The following PHLPP1 variants were observed in gnomAD, a reference collection of about 807,000 sequenced individuals.
The protein encoded by PHLPP1 is PH domain leucine-rich repeat-containing protein phosphatase 1.
Under a neutral mutation model 117.2 loss-of-function variants are expected in PHLPP1, and 42 were observed. The ratio of observed to expected loss-of-function variants is 0.36; its 90% confidence interval spans 0.28 to 0.46. PHLPP1 has a LOEUF of 0.46. Among genes scored for constraint, PHLPP1 ranks in the 20% least tolerant of loss-of-function variants. The pLI, the probability that PHLPP1 is intolerant of heterozygous loss-of-function variation, is 1.00. For missense variants in PHLPP1, 2,084 were observed against 2,241.9 expected (o/e 0.93, Z 1.42); for synonymous variants, 1,042 against 970.7 (o/e 1.07, Z -1.37).
chr18:62,823,890 G>A (rs182867749), intron 1 of PHLPP1, among the ~76,000 whole-genome samples: 195 of 152,226 alleles, frequency 1.3e-3, no homozygotes, highest in African/African-American at 4.4e-3. Context: ...CCAGCACTTC[G>A]GGAGGCCGAG....
intron 3 of PHLPP1, among the ~76,000 whole-genome samples, chr18:62,843,922 A>G (rs1470871360): frequency 6.6e-6 from 1 of 152,246 alleles, no homozygotes; most frequent in African/African-American, 2.4e-5. Context: ...TTTAAAGTGC[A>G]TTCATTGTGG....
intron 4 of PHLPP1, among the ~76,000 whole-genome samples, chr18:62,880,159 C>G (rs1916142569): frequency 6.6e-6 from 1 of 151,924 alleles, no homozygotes; most frequent in African/African-American, 2.4e-5. Context: ...ATGGTTCAAC[C>G]CTAGCATCAG....
intron 1 of PHLPP1, among the ~76,000 whole-genome samples, chr18:62,748,409 T>G (rs553415249): frequency 2.0e-5 from 3 of 152,130 alleles, no homozygotes; most frequent in Admixed American, 1.3e-4. Flanking sequence ...CACACTCGGC[T>G]AATTTTTTTA....
At chr18:62,862,077 T>TC (rs1419639843) in intron 4 of PHLPP1, among the ~76,000 whole-genome samples, 1 of 152,022 alleles carries the variant, frequency 6.6e-6, no homozygotes, top group Non-Finnish European at 1.5e-5. Flanking sequence ...TCACCACTGA[T>TC]CTTTTTTTTT....
Position 62,860,429 on chromosome 18 carries a change from CT to C in PHLPP1, c.1900-3del, listed in dbSNP as rs1915603086. 6.2e-7 allele frequency: 1 copy of C among 1,613,290 alleles called. No individual in the cohort carries two copies. Among genetic ancestry groups the C allele is most frequent in the Non-Finnish European group, 8.5e-7 (1 of 1,179,412 alleles). On this transcript the variant is annotated splice_region_variant and splice_polypyrimidine_tract_variant and intron_variant, in intron 3 of 16. Transcript: ENST00000262719. ...GGTATTAAAATTAAGTTTTATCCCC[CT>C]TTAGGTTGCATCCCAGCGCATTAGC...
intron 4 of PHLPP1, among the ~76,000 whole-genome samples, chr18:62,862,217 T>A (rs1455090942): frequency 6.6e-6 from 1 of 152,030 alleles, no homozygotes; most frequent in Non-Finnish European, 1.5e-5. Context: ...GTAGCTGGGA[T>A]TACAGGCGCT....
chr18:62,946,923 C>A (rs943638313), intron 12 of PHLPP1, among the ~76,000 whole-genome samples: 1 of 152,018 alleles, frequency 6.6e-6, no homozygotes, highest in South Asian at 2.1e-4. Context: ...CATGGTGGCT[C>A]GTGCCTGTAG....
At chr18:62,966,333 G>T (rs1355409954) in intron 14 of PHLPP1, among the ~76,000 whole-genome samples, 1 of 151,572 alleles carries the variant, frequency 6.6e-6, no homozygotes, top group Admixed American at 6.6e-5. Flanking sequence ...ATATTTTTAA[G>T]TTTATATATC....
intron 3 of PHLPP1, among the ~76,000 whole-genome samples, chr18:62,858,283 G>T (rs1380231811): frequency 6.0e-5 from 8 of 133,052 alleles, no homozygotes; most frequent in Admixed American, 8.0e-5. Context: ...TTTTTTTTGA[G>T]ACACAGCCTC....
intron 3 of PHLPP1, among the ~76,000 whole-genome samples, chr18:62,851,737 G>A (rs1219180116): frequency 6.6e-6 from 1 of 152,138 alleles, no homozygotes; most frequent in Non-Finnish European, 1.5e-5. Flanking sequence ...AGGATTACAG[G>A]CGTGAGCCAC....
intron 1 of PHLPP1, chr18:62,825,288 C>T (rs111730099): frequency 9.7e-4 from 147 of 151,246 alleles, no homozygotes; most frequent in African/African-American, 3.3e-3. Context: ...TAATGTTTTA[C>T]TTTTTGGTTA....
At chr18:62,874,647 A>ACG (rs1313739517) in intron 4 of PHLPP1, among the ~76,000 whole-genome samples, 10 of 113,296 alleles carry the variant, frequency 8.8e-5, no homozygotes, top group South Asian at 2.9e-4. Context: ...CAGGGCGCGC[A>ACG]CGCACGCGCG....
chr18:62,935,738 T>G (rs900325759), intron 10 of PHLPP1, among the ~76,000 whole-genome samples: 2 of 152,186 alleles, frequency 1.3e-5, no homozygotes, highest in African/African-American at 4.8e-5. Context: ...GTGCCATGGC[T>G]CCTGCCTGTA....
At chr18:62,914,842 G>T in intron 8 of PHLPP1, 71 bp from the exon 9 acceptor site, 1 of 991,710 alleles carries the variant, frequency 1.0e-6, no homozygotes, top group Non-Finnish European at 1.6e-6. Context: ...TTTATTCTTT[G>T]TAATCAATTT....
intron 12 of PHLPP1, among the ~76,000 whole-genome samples, chr18:62,957,707 C>T (rs189647879): frequency 4.2e-3 from 634 of 151,554 alleles, no homozygotes; most frequent in Non-Finnish European, 6.9e-3. Flanking sequence ...CTGCACCTCC[C>T]GGATTCTTAT....
chr18:62,857,612 G>A (rs1915532157), intron 3 of PHLPP1, among the ~76,000 whole-genome samples: 1 of 152,176 alleles, frequency 6.6e-6, no homozygotes, highest in African/African-American at 2.4e-5. Context: ...GTTTGAAGGA[G>A]AAAGGATTTG....
At chr18:62,966,946 G>A (rs1356312923) in intron 14 of PHLPP1, among the ~76,000 whole-genome samples, 1 of 152,056 alleles carries the variant, frequency 6.6e-6, no homozygotes, top group Non-Finnish European at 1.5e-5. Flanking sequence ...CCTTTTCCAG[G>A]ATGTCCTATA....
rs376683492 is a variant in PHLPP1 at position 62,850,257 on chromosome 18, A to G, written c.1900-10178A>G. ...ACAAAAATTAGCTGGGTGTGGTGGC[A>G]GGCACCTGTAATCCCAGCTACTCAG... On this transcript the variant is annotated intron_variant, in intron 3 of 16. Transcript: ENST00000262719. 1.7e-3 allele frequency among the ~76,000 whole-genome samples: 263 copies of G among 151,532 alleles called. 1 individual carries two copies. The highest frequency in any genetic ancestry group is 0.01 in the Middle Eastern group (3 of 294).
At chr18:62,956,635 A>T (rs1599141121) in intron 12 of PHLPP1, among the ~76,000 whole-genome samples, 1 of 152,246 alleles carries the variant, frequency 6.6e-6, no homozygotes, top group East Asian at 1.9e-4. Flanking sequence ...GGAAAAAAAA[A>T]CAGAATGCTA....
Sources: allele counts gnomAD v4.1 joint callset (sites outside exome capture counted in the v4.1 genomes callset), GRCh38; gene constraint gnomAD v4.1.1; transcripts MANE v1.5; gene names NCBI Gene and HGNC (gene_info 2026-07-23, HGNC 2026-07-21).